The following FAT4 variants were observed in gnomAD, a reference collection of about 807,000 sequenced individuals.
FAT4 encodes protocadherin Fat 4.
FAT4 carries 84 observed loss-of-function variants against 303.9 expected under a neutral mutation model. The ratio of observed to expected loss-of-function variants is 0.28; its 90% CI spans 0.23 to 0.33. The LOEUF is 0.33. Among genes scored for constraint, FAT4 ranks in the 10% least tolerant of loss-of-function variants. The pLI is 1.00. For missense variants in FAT4, 6,005 were observed against 6,146.8 expected (o/e 0.98, Z 0.77); for synonymous variants, 2,307 against 2,298.8 (o/e 1.00, Z -0.10).
At position 125,449,051 on chromosome 4, in the gene FAT4, T is replaced by G; in HGVS notation, c.8041T>G (p.Leu2681Val). 6.2e-7 allele frequency: 1 copy of G among 1,613,918 alleles called. No homozygotes were observed. Among genetic ancestry groups the G allele is most frequent in the Non-Finnish European group, 8.5e-7 (1 of 1,179,890 alleles). Reference protein sequence around the residue: ...FKEDPFISEILENLSPRKILT... With the variant: ...FKEDPFISEIVENLSPRKILT... ...GGAAGACCCATTTATATCTGAAATA[T>G]TGGAAAACCTTTCCCCTCGAAAAAT... The change falls in exon 10 of 18, where the codon TTG becomes GTG. Residue 2681 changes from leucine (L) to valine (V), a missense_variant. Physicochemically the swap from Leu to Val is conservative, Grantham distance 32 (BLOSUM62 1). Coordinates refer to ENST00000394329, the MANE Select transcript of FAT4 (RefSeq NM_001291303.3).
At chr4:125,464,870 T>A (rs1250061606) in intron 11 of FAT4, among the ~76,000 whole-genome samples, 2 of 152,202 alleles carry the variant, frequency 1.3e-5, no homozygotes, top group Admixed American at 1.3e-4. Flanking sequence ...TTTTCTAGTC[T>A]TCCTTTGGGC....
intron 14 of FAT4, among the ~76,000 whole-genome samples, chr4:125,479,180 C>G (rs1727136473): frequency 6.6e-6 from 1 of 152,162 alleles, no homozygotes; most frequent in East Asian, 1.9e-4. Flanking sequence ...ACTGCCTAAT[C>G]TAAAGATTCA....
chr4:125,452,136 C>A lies in FAT4; in HGVS notation c.11126C>A (p.Ala3709Asp). 1 of 1,614,186 alleles carries A rather than the reference C, an allele frequency of 6.2e-7. No individual in the cohort carries two copies. The highest frequency in any genetic ancestry group is 8.5e-7 in the Non-Finnish European group (1 of 1,180,036). ...IRVFFAGFSNATVDNSILLRL... is the reference protein window; with the variant it reads ...IRVFFAGFSNDTVDNSILLRL... ...GTTTTCTTTGCTGGATTTTCCAATG[C>A]CACAGTGGATAACAGCATCTTACTT... Residue 3709 changes from alanine (A) to aspartate (D), a missense_variant, in exon 10 of 18, where the codon GCC (alanine) becomes GAC (aspartate). By Grantham distance (126) the Ala-to-Asp change is moderately radical. Transcript: ENST00000394329.
At chr4:125,353,165 A>T (rs1325017576) in intron 2 of FAT4, among the ~76,000 whole-genome samples, 2 of 151,760 alleles carry the variant, frequency 1.3e-5, no homozygotes, top group Non-Finnish European at 3.0e-5. Flanking sequence ...AGAAATACTC[A>T]GTTCTATAGA....
intron 12 of FAT4, among the ~76,000 whole-genome samples, chr4:125,475,175 TTTCAGCAAGTAAAGTG>T (rs1205680757): frequency 1.3e-5 from 2 of 152,104 alleles, no homozygotes; most frequent in Non-Finnish European, 2.9e-5. Flanking sequence ...CTTCTTACAA[TTTCAGCAAGTAAAGTG>T]TGCAAAGTTT....
Position 125,448,739 on chromosome 4 carries a change from A to G in FAT4, c.7729A>G (p.Met2577Val), listed in dbSNP as rs775822917. 2 of 1,613,534 alleles carry G rather than the reference A, an allele frequency of 1.2e-6. No individual in the cohort carries two copies. The highest frequency in any genetic ancestry group is 1.1e-5 in the South Asian group (1 of 91,086). Reference sequence around the variant, plus strand: ...AGTGAGAGCCAAAGAACAAACGTTCATGTTTCCTGAAAACCAACCAGTCAG... The same window carrying G: ...AGTGAGAGCCAAAGAACAAACGTTCGTGTTTCCTGAAAACCAACCAGTCAG... ...PKVRAKEQTF[M>V]FPENQPVSSL... The change falls in exon 10 of 18, where the codon ATG (methionine) becomes GTG (valine). Residue 2577 changes from methionine (M) to valine (V), a missense_variant. Coordinates refer to ENST00000394329, the MANE Select transcript of FAT4 (RefSeq NM_001291303.3).
At chr4:125,332,722 T>A (rs922511074) in intron 2 of FAT4, among the ~76,000 whole-genome samples, 3 of 152,110 alleles carry the variant, frequency 2.0e-5, no homozygotes, top group Non-Finnish European at 2.9e-5. Flanking sequence ...TTTTCTTAAT[T>A]GAGGTCGACT....
At position 125,491,799 on chromosome 4, in the gene FAT4, A is replaced by G. The variant is rs778119434; in HGVS notation, c.*31A>G. On this transcript the variant is annotated 3_prime_UTR_variant, in exon 18 of 18. Transcript: ENST00000394329. ...ATGTACTGGCACTATAAAATATAAA[A>G]ACAAGAAATAATACTCAAACCATTG... The G allele has an allele frequency of 6.5e-7, 1 of 1,537,520 alleles. No homozygotes were observed. The highest frequency in any genetic ancestry group is 1.3e-5 in the South Asian group (1 of 77,546).
intron 15 of FAT4, among the ~76,000 whole-genome samples, chr4:125,480,283 C>T (rs1727181961): frequency 6.6e-6 from 1 of 152,036 alleles, no homozygotes; most frequent in African/African-American, 2.4e-5. Context: ...ATCAAAACAT[C>T]ATACAGAGCC....
Position 125,319,823 on chromosome 4 carries a change from T to G in FAT4, c.3412T>G (p.Ser1138Ala), listed in dbSNP as rs1730850985. ...DFGPNGEVRY[S>A]FEMVQPDFEL... Reference sequence around the variant, plus strand: ...TGGGCCAAATGGAGAAGTAAGGTATTCTTTTGAAATGGTGCAGCCAGATTT... The same window carrying G: ...TGGGCCAAATGGAGAAGTAAGGTATGCTTTTGAAATGGTGCAGCCAGATTT... Residue 1138 changes from serine to alanine, a missense_variant, in exon 2 of 18, where the codon TCT becomes GCT. Physicochemically the swap from Ser to Ala is moderately conservative, Grantham distance 99 (BLOSUM62 1). Transcript: ENST00000394329. The G allele has an allele frequency of 6.2e-7, 1 of 1,614,168 alleles. No individual in the cohort carries two copies. The highest frequency in any genetic ancestry group is 8.5e-7 in the Non-Finnish European group (1 of 1,180,018).
At position 125,416,992 on chromosome 4, in the gene FAT4, G is replaced by A. The variant is rs536811019; in HGVS notation, c.7018+370G>A. ...TAATAATAATTTCTTCATAATATGA[G>A]TATGAAGTATTTTCTGTTTGCCATT... On this transcript the variant is annotated intron_variant, in intron 7 of 17. Transcript: ENST00000394329. Among the ~76,000 whole-genome samples, 19 of 152,226 alleles carry A rather than the reference G, an allele frequency of 1.2e-4. No homozygotes were observed. In the East Asian group the frequency reaches 3.3e-3, roughly 26 times the overall value.
intron 16 of FAT4, 137 bp from the exon 17 acceptor site, chr4:125,487,208 T>G (rs1727438656): frequency 1.5e-6 from 1 of 681,056 alleles, no homozygotes; most frequent in Admixed American, 3.2e-5. Context: ...AGTGTGTAAG[T>G]ATATTCTAAT....
rs778581028 is a variant in FAT4, at chr4:125,490,187, C to G, written c.13371C>G (p.Asp4457Glu). 6.2e-7 allele frequency: 1 copy of G among 1,614,018 alleles called. No individual in the cohort carries two copies. Among genetic ancestry groups the G allele is most frequent in the Non-Finnish European group, 8.5e-7 (1 of 1,180,042 alleles). Reference sequence around the variant, plus strand: ...CCGGCTTCACCTGTAGCTGCCCAGACTCGCACACGGGAAGGACCTGTGAGA... The same window carrying G: ...CCGGCTTCACCTGTAGCTGCCCAGAGTCGCACACGGGAAGGACCTGTGAGA... ...LHSGFTCSCP[D>E]SHTGRTCEMV... is the part of the protein sequence containing the mutation. Residue 4457 changes from aspartate to glutamate, a missense_variant, in exon 18 of 18, where the codon GAC (aspartate) becomes GAG (glutamate). Coordinates refer to ENST00000394329, the MANE Select transcript of FAT4 (RefSeq NM_001291303.3).
chr4:125,438,540 T>C (rs761849956), intron 8 of FAT4, among the ~76,000 whole-genome samples: 1 of 152,270 alleles, frequency 6.6e-6, no homozygotes, highest in South Asian at 2.1e-4. Flanking sequence ...AAAAACCCCA[T>C]CAGTGAAAAT....
chr4:125,484,818 G>T (rs937312864), intron 16 of FAT4, among the ~76,000 whole-genome samples: 1 of 151,996 alleles, frequency 6.6e-6, no homozygotes, highest in Non-Finnish European at 1.5e-5. Context: ...AATAAAAAAG[G>T]TACAGTAAAA....
chr4:125,443,986 T>G lies in FAT4; in HGVS notation c.7200-2307T>G, dbSNP rs1185378517. On this transcript the variant is annotated intron_variant, in intron 8 of 17. Transcript: ENST00000394329. ...ATATTTAAAATATACTTTTATATGC[T>G]TTAGAATCTAGTGAAGTCTAGAAAA... Among the ~76,000 whole-genome samples, 4 of 152,172 alleles carry G rather than the reference T, an allele frequency of 2.6e-5. No homozygotes were observed. In the East Asian group the frequency reaches 7.7e-4, roughly 29 times the overall value.
At position 125,488,307 on chromosome 4, in the gene FAT4, G is replaced by A. The variant is rs575264650; in HGVS notation, c.13084+701G>A. ...ACTTCCTGACCATGTTGCAGTTTTG[G>A]TCTTATTTACAGAGCAATGGGAAGT... On this transcript the variant is annotated intron_variant, in intron 17 of 17. Coordinates refer to ENST00000394329, the MANE Select transcript of FAT4 (RefSeq NM_001291303.3). Among the ~76,000 whole-genome samples, 4 of 152,252 alleles carry A rather than the reference G, an allele frequency of 2.6e-5. No individual in the cohort carries two copies. The East Asian group carries it at 7.7e-4, about 29-fold the overall frequency.
chr4:125,341,489 A>G (rs890169009), intron 2 of FAT4, among the ~76,000 whole-genome samples: 4 of 152,062 alleles, frequency 2.6e-5, no homozygotes, highest in Non-Finnish European at 4.4e-5. Flanking sequence ...GGGTATAGTA[A>G]TGTCCATTTG....
chr4:125,490,960 A>G lies in FAT4; in HGVS notation c.14144A>G (p.Tyr4715Cys), dbSNP rs773804085. The G allele has an allele frequency of 6.2e-6, 10 of 1,614,162 alleles. No homozygotes were observed. Among genetic ancestry groups the G allele is most frequent in the Non-Finnish European group, 7.6e-6 (9 of 1,180,034 alleles). ...PAPFSKSSTFYRNSPARELHL... is the reference protein window; with the variant it reads ...PAPFSKSSTFCRNSPARELHL... ...CCTTTCTCCAAATCTTCTACGTTCT[A>G]TAGAAACAGCCCAGCAAGGGAATTG... Residue 4715 changes from tyrosine (Y) to cysteine (C), a missense_variant, in exon 18 of 18, where the codon TAT (tyrosine) becomes TGT (cysteine). Physicochemically the swap from Tyr to Cys is radical, Grantham distance 194. Transcript: ENST00000394329.
Sources: gnomAD v4.1 joint callset for allele counts (sites outside exome capture counted in the v4.1 genomes callset) on GRCh38, gnomAD v4.1.1 for gene constraint, MANE v1.5 for transcripts, NCBI Gene and HGNC (gene_info 2026-07-23, HGNC 2026-07-21) for gene names.